ADAMTSL1: variants seen among roughly 807,000 people sequenced by gnomAD.
The protein encoded by ADAMTSL1 is ADAMTS like 1, also known as ADAMTS-like protein 1.
Under a neutral mutation model 201.8 loss-of-function variants are expected in ADAMTSL1, and 126 were observed. That is an observed-to-expected ratio of 0.62 (90% confidence interval 0.54 to 0.72). The LOEUF (loss-of-function observed/expected upper bound fraction) is 0.72, where lower values mean the gene tolerates loss of function less well. ADAMTSL1 is among the 30% of genes least tolerant of loss of function. The probability of loss-of-function intolerance (pLI) is 0.00; values close to 1 mark genes in which losing one functional copy is unlikely to be tolerated. For missense variants in ADAMTSL1, 2,679 were observed against 2,277.8 expected, an observed-to-expected ratio of 1.18 and a Z score of -3.59; for synonymous variants, 1,121 against 903.4, an observed-to-expected ratio of 1.24 and a Z score of -4.32.
intron 2 of ADAMTSL1, among the ~76,000 whole-genome samples, chr9:18,243,708 A>G (rs952591866): frequency 5.9e-5 from 9 of 151,536 alleles, no homozygotes; most frequent in African/African-American, 2.2e-4. Flanking sequence ...CTTGGTAAAC[A>G]TTTTTCCAGT....
chr9:18,050,551 C>T (rs955898174), intron 1 of ADAMTSL1, among the ~76,000 whole-genome samples: 3 of 152,154 alleles, frequency 2.0e-5, no homozygotes, highest in Non-Finnish European at 4.4e-5. Context: ...AAAATAAGCT[C>T]TGTGTGAATA....
At chr9:18,368,214 T>A (rs1836869314) in intron 2 of ADAMTSL1, among the ~76,000 whole-genome samples, 1 of 152,102 alleles carries the variant, frequency 6.6e-6, no homozygotes, top group African/African-American at 2.4e-5. Flanking sequence ...CGCGCCTGGC[T>A]GAGGGAGTCT....
In ADAMTSL1 at chr9:18,729,017, A is replaced by G. The variant is rs577065763; in HGVS notation, c.2006+7352A>G. Among the ~76,000 whole-genome samples, 14 of 152,340 alleles carry G rather than the reference A, an allele frequency of 9.2e-5. No homozygotes were observed. The South Asian group carries it at 2.5e-3, about 27-fold the overall frequency. On this transcript the variant is annotated intron_variant, in intron 15 of 28. Transcript: ENST00000380548. ...GTTTCCTTTTTCTCATGTAGAGTCAAAAATAAATAGTGTGCTCTGTGTGAT... is the reference window on the plus strand; with the variant it reads ...GTTTCCTTTTTCTCATGTAGAGTCAGAAATAAATAGTGTGCTCTGTGTGAT...
At chr9:18,640,640 C>A (rs117707159) in intron 7 of ADAMTSL1, among the ~76,000 whole-genome samples, 1,745 of 152,122 alleles carry the variant, frequency 0.011, 17 homozygotes, top group Non-Finnish European at 0.02. Context: ...GCCCCAGAAA[C>A]CTGCTTTATC....
At chr9:18,502,438 T>A (rs1161540349) in intron 1 of ADAMTSL1, among the ~76,000 whole-genome samples, 1 of 152,224 alleles carries the variant, frequency 6.6e-6, no homozygotes, top group African/African-American at 2.4e-5. Flanking sequence ...AGTTAGATGA[T>A]ACACAATTAA....
intron 1 of ADAMTSL1, among the ~76,000 whole-genome samples, chr9:18,034,345 A>T (rs1016196626): frequency 1.3e-5 from 2 of 151,860 alleles, no homozygotes; most frequent in Non-Finnish European, 2.9e-5. Context: ...CTAATTCCCA[A>T]ACCAAACTCT....
intron 1 of ADAMTSL1, among the ~76,000 whole-genome samples, chr9:18,124,835 G>A (rs1011586053): frequency 6.6e-6 from 1 of 152,088 alleles, no homozygotes; most frequent in Non-Finnish European, 1.5e-5. Context: ...TTTCTGGTCC[G>A]AAGTGTTTTT....
intron 1 of ADAMTSL1, among the ~76,000 whole-genome samples, chr9:18,072,488 A>C (rs1823013539): frequency 6.6e-6 from 1 of 152,296 alleles, no homozygotes; most frequent in Admixed American, 6.5e-5. Context: ...AAACCAACAC[A>C]GCTTGCTAGT....
intron 2 of ADAMTSL1, among the ~76,000 whole-genome samples, chr9:18,434,076 C>T (rs1004493563): frequency 6.6e-6 from 1 of 152,118 alleles, no homozygotes; most frequent in Non-Finnish European, 1.5e-5. Context: ...AAGAATAGCT[C>T]GTAGATCATA....
chr9:18,575,739 C>A (rs530977744), intron 4 of ADAMTSL1, among the ~76,000 whole-genome samples: 58 of 152,192 alleles, frequency 3.8e-4, no homozygotes, highest in Middle Eastern at 3.4e-3. Context: ...AACTGAGGAC[C>A]AGAAAATATG....
chr9:18,878,813 C>T (rs1039263722), intron 23 of ADAMTSL1, among the ~76,000 whole-genome samples: 7 of 152,212 alleles, frequency 4.6e-5, no homozygotes, highest in Non-Finnish European at 7.3e-5. Context: ...CTCCTATCTG[C>T]CATTTTTCCC....
intron 2 of ADAMTSL1, among the ~76,000 whole-genome samples, chr9:18,417,367 G>GAAAAAAAAAAAAAAA (rs80226819): frequency 7.7e-5 from 5 of 64,632 alleles, no homozygotes; most frequent in Non-Finnish European, 9.5e-5. Context: ...AAGTAAGCAG[G>GAAAAAAAAAAAAAAA]AAAAAAAAAA....
At chr9:18,202,315 T>A (rs1341168182) in intron 2 of ADAMTSL1, among the ~76,000 whole-genome samples, 2 of 152,218 alleles carry the variant, frequency 1.3e-5, no homozygotes, top group Non-Finnish European at 2.9e-5. Flanking sequence ...TATATAATAT[T>A]CAAACAATTG....
intron 3 of ADAMTSL1, among the ~76,000 whole-genome samples, chr9:18,551,031 G>A (rs1820769696): frequency 1.3e-5 from 2 of 151,730 alleles, no homozygotes; most frequent in African/African-American, 2.4e-5. Flanking sequence ...GAGAAAATCT[G>A]GAGAATAAAG....
intron 15 of ADAMTSL1, among the ~76,000 whole-genome samples, chr9:18,748,273 G>C (rs1819258648): frequency 6.6e-6 from 1 of 152,176 alleles, no homozygotes; most frequent in Non-Finnish European, 1.5e-5. Context: ...AGAAACCATA[G>C]CAGTCATGTT....
At chr9:18,305,473 C>T (rs1215477691) in intron 2 of ADAMTSL1, among the ~76,000 whole-genome samples, 1 of 152,206 alleles carries the variant, frequency 6.6e-6, no homozygotes, top group African/African-American at 2.4e-5. Flanking sequence ...ATTCTCGCTG[C>T]CAGCACAGCA....
At chr9:18,235,535 G>C (rs1319842635) in intron 2 of ADAMTSL1, among the ~76,000 whole-genome samples, 2 of 152,108 alleles carry the variant, frequency 1.3e-5, no homozygotes, top group Non-Finnish European at 2.9e-5. Context: ...ACCTACACAG[G>C]TATTAGCTCT....
intron 2 of ADAMTSL1, among the ~76,000 whole-genome samples, chr9:18,337,144 A>G (rs565774216): frequency 6.6e-6 from 1 of 152,184 alleles, no homozygotes; most frequent in Non-Finnish European, 1.5e-5. Flanking sequence ...GGCACAATCT[A>G]ATCAGCTGAT....
chr9:18,366,436 G>T (rs1836770776), intron 2 of ADAMTSL1, among the ~76,000 whole-genome samples: 1 of 151,670 alleles, frequency 6.6e-6, no homozygotes, highest in African/African-American at 2.4e-5. Context: ...TCATTTATGT[G>T]TACATTTGTA....
Sources: allele counts gnomAD v4.1 joint callset (sites outside exome capture counted in the v4.1 genomes callset), GRCh38; gene constraint gnomAD v4.1.1; transcripts MANE v1.5; gene names NCBI Gene and HGNC (gene_info 2026-07-23, HGNC 2026-07-21).